ABCD3: variants seen among roughly 807,000 people sequenced by gnomAD.
The protein encoded by ABCD3 is ATP-binding cassette sub-family D member 3.
A neutral mutation model predicts 105.5 loss-of-function variants in ABCD3; 41 were observed. The ratio of observed to expected loss-of-function variants is 0.39; its 90% CI spans 0.30 to 0.50. The LOEUF (loss-of-function observed/expected upper bound fraction) is 0.50, where lower values mean the gene tolerates loss of function less well. Ranked by LOEUF, ABCD3 falls within the 20% of genes least tolerant of loss-of-function variation. The pLI is 0.84. For missense variants in ABCD3, 622 were observed against 806.3 expected (o/e 0.77, Z 2.77); for synonymous variants, 258 against 269.0 (o/e 0.96, Z 0.40).
chr1:94,415,922 T>G (rs543625201), upstream of ABCD3, among the ~76,000 whole-genome samples: 1 of 152,208 alleles, frequency 6.6e-6, no homozygotes, highest in Non-Finnish European at 1.5e-5. Flanking sequence ...ATTAATAAAC[T>G]TAATGGGTTC....
chr1:94,418,653 T>C (rs1196889720), intron 1 of ABCD3, 65 bp downstream of exon 1: 15 of 1,492,156 alleles, frequency 1.0e-5, no homozygotes, highest in Non-Finnish European at 1.3e-5. Flanking sequence ...GCGCTCTCTC[T>C]CCCCACCCGG....
intron 1 of ABCD3, among the ~76,000 whole-genome samples, chr1:94,433,616 A>T (rs1046111535): frequency 6.6e-6 from 1 of 150,640 alleles, no homozygotes; most frequent in Admixed American, 6.7e-5. Context: ...GGCAGTTGTA[A>T]CACAATGGTC....
chr1:94,458,534 C>T (rs1007024357), intron 1 of ABCD3, 73 bp from the exon 2 acceptor site: 77 of 1,319,530 alleles, frequency 5.8e-5, no homozygotes, highest in Non-Finnish European at 8.1e-5. Context: ...GTATATTTGA[C>T]ATCTTAAAAT....
the ABCD3 span, among the ~76,000 whole-genome samples, chr1:94,408,454 C>T: frequency 1.3e-5 from 2 of 151,726 alleles, no homozygotes; most frequent in Admixed American, 6.6e-5. Context: ...ATTAGCTGGG[C>T]GTAGTGGCGG....
the ABCD3 span, among the ~76,000 whole-genome samples, chr1:94,396,578 C>T: frequency 6.7e-6 from 1 of 150,262 alleles, no homozygotes; most frequent in East Asian, 2.0e-4. Context: ...AACTGTTCCT[C>T]ATGTGAATAG....
intron 16 of ABCD3, among the ~76,000 whole-genome samples, chr1:94,494,142 A>G (rs942150501): frequency 6.6e-6 from 1 of 152,218 alleles, no homozygotes; most frequent in Non-Finnish European, 1.5e-5. Flanking sequence ...ATTAAAATAC[A>G]TCAAAATGTT....
At chr1:94,413,918 A>G (rs1396221685), upstream of ABCD3, among the ~76,000 whole-genome samples, 1 of 152,228 alleles carries the variant, frequency 6.6e-6, no homozygotes, top group Non-Finnish European at 1.5e-5. Flanking sequence ...GGGACTGGTC[A>G]CAGATGACTG....
At chr1:94,445,888 A>G (rs181023727) in intron 1 of ABCD3, among the ~76,000 whole-genome samples, 2 of 152,292 alleles carry the variant, frequency 1.3e-5, no homozygotes, top group Non-Finnish European at 2.9e-5. Flanking sequence ...GGGAAAGTAC[A>G]TTTAGTTGAT....
chr1:94,391,064 G>A, the ABCD3 span, among the ~76,000 whole-genome samples: 15 of 152,126 alleles, frequency 9.9e-5, no homozygotes, highest in South Asian at 2.7e-3. Flanking sequence ...GATCCTTTTG[G>A]GGAATATTTA....
the ABCD3 span, among the ~76,000 whole-genome samples, chr1:94,402,621 CAAT>C: frequency 6.6e-6 from 1 of 152,046 alleles, no homozygotes; most frequent in Non-Finnish European, 1.5e-5. Flanking sequence ...GTTATTGACC[CAAT>C]AATGTCCTCA....
chr1:94,464,255 A>G (rs990454194), intron 2 of ABCD3, among the ~76,000 whole-genome samples: 12 of 152,192 alleles, frequency 7.9e-5, no homozygotes, highest in Non-Finnish European at 1.2e-4. Context: ...TATATTGGAA[A>G]TGTTAAATGG....
At chr1:94,393,431 G>A in the ABCD3 span, among the ~76,000 whole-genome samples, 1 of 151,954 alleles carries the variant, frequency 6.6e-6, no homozygotes. Context: ...CTGAAGTCAG[G>A]AGTTCAAGAC....
At chr1:94,394,789 C>T in the ABCD3 span, among the ~76,000 whole-genome samples, 24 of 152,326 alleles carry the variant, frequency 1.6e-4, no homozygotes, top group African/African-American at 5.3e-4. Context: ...ATTTAATTGA[C>T]ACTGCAGCCC....
At chr1:94,466,063 T>C (rs1349762625) in intron 3 of ABCD3, among the ~76,000 whole-genome samples, 1 of 152,196 alleles carries the variant, frequency 6.6e-6, no homozygotes, top group Non-Finnish European at 1.5e-5. Context: ...GAAATTCTTT[T>C]TTTAAAAAAA....
At chr1:94,505,212 G>GT (rs1442026971) in intron 20 of ABCD3, among the ~76,000 whole-genome samples, 1 of 151,966 alleles carries the variant, frequency 6.6e-6, no homozygotes. Context: ...TAAAATGTTT[G>GT]TTTTTTGAGA....
chr1:94,423,223 C>T (rs906325224), intron 1 of ABCD3, among the ~76,000 whole-genome samples: 11 of 152,318 alleles, frequency 7.2e-5, no homozygotes, highest in Admixed American at 2.0e-4. Context: ...TGTTATTTAA[C>T]TACTCCAGAT....
At chr1:94,462,049 C>G (rs1226105930) in intron 2 of ABCD3, among the ~76,000 whole-genome samples, 1 of 152,150 alleles carries the variant, frequency 6.6e-6, no homozygotes, top group Non-Finnish European at 1.5e-5. Context: ...TCTCATTGTA[C>G]TTTGACCTTT....
chr1:94,422,223 C>T (rs956642518), intron 1 of ABCD3, among the ~76,000 whole-genome samples: 1 of 152,178 alleles, frequency 6.6e-6, no homozygotes, highest in African/African-American at 2.4e-5. Flanking sequence ...AGGTTGGTGG[C>T]CTGTTAGGAC....
chr1:94,418,149 C>T (rs1659093837), upstream of ABCD3, among the ~76,000 whole-genome samples: 2 of 152,192 alleles, frequency 1.3e-5, no homozygotes, highest in Admixed American at 1.3e-4. Context: ...AGGGGTGAGG[C>T]AGGGGCAGCA....
Sources: allele counts gnomAD v4.1 joint callset (sites outside exome capture counted in the v4.1 genomes callset), GRCh38; gene constraint gnomAD v4.1.1; transcripts MANE v1.5; gene names NCBI Gene and HGNC (gene_info 2026-07-23, HGNC 2026-07-21).